SMARCA2: variants seen among roughly 807,000 people sequenced by gnomAD.
SMARCA2 encodes the protein SWI/SNF related BAF chromatin remodeling complex subunit ATPase 2, also known as SWI/SNF-related matrix-associated actin-dependent regulator of chromatin subfamily A member 2.
In SMARCA2, 61 loss-of-function variants were observed where a neutral mutation model predicts 199.8. That is an observed-to-expected ratio of 0.31 (90% CI 0.25 to 0.38). SMARCA2 has a LOEUF of 0.38. Ranked by LOEUF, SMARCA2 falls within the 10% of genes least tolerant of loss-of-function variation. The pLI, the probability that SMARCA2 is intolerant of heterozygous loss-of-function variation, is 1.00. For synonymous variants in SMARCA2, 935 were observed against 732.0 expected (o/e 1.28, Z -4.48); for missense variants, 1,344 against 2,012.2 (o/e 0.67, Z 6.35).
At chr9:2,185,756 C>T (rs1827394735) in intron 31 of SMARCA2, among the ~76,000 whole-genome samples, 1 of 152,176 alleles carries the variant, frequency 6.6e-6, no homozygotes, top group Non-Finnish European at 1.5e-5. Flanking sequence ...TGCTTTACCA[C>T]AGTCTTACTA....
intron 27 of SMARCA2, among the ~76,000 whole-genome samples, chr9:2,142,289 G>A (rs759386486): frequency 3.9e-5 from 6 of 152,298 alleles, no homozygotes; most frequent in South Asian, 2.1e-4. Flanking sequence ...ATCAGACAAC[G>A]TCAAGCAAAG....
At position 2,081,933 on chromosome 9, in the gene SMARCA2, C is replaced by T. The variant is rs1427379443; in HGVS notation, c.2286C>T (p.Leu762=). The change falls in exon 15 of 34, where the codon CTC becomes CTT. Residue 762 remains leucine, a synonymous_variant. Transcript: ENST00000349721. ...GAAAGACCATACAGACCATTGCACT[C>T]ATCACTTATCTGATGGAGCACAAAA... The part of the protein sequence containing the change: ...GLGKTIQTIA[L]ITYLMEHKRL... 5 of 1,613,744 alleles carry T rather than the reference C, an allele frequency of 3.1e-6. No individual in the cohort carries two copies. The highest frequency in any genetic ancestry group is 1.6e-4 in the Middle Eastern group (1 of 6,062).
intron 27 of SMARCA2, among the ~76,000 whole-genome samples, chr9:2,140,053 G>A (rs529062906): frequency 1.2e-4 from 19 of 152,274 alleles, no homozygotes; most frequent in South Asian, 2.1e-4. Context: ...TCTTACTGTC[G>A]TAATTTGCAA....
chr9:2,115,812 C>T lies in SMARCA2; in HGVS notation c.3457-10C>T, dbSNP rs775480199. The T allele has an allele frequency of 9.9e-6, 16 of 1,612,340 alleles. No individual in the cohort carries two copies. In the African/African-American group the frequency reaches 2.0e-4, roughly 20 times the overall value. ...TCTCAGTCCTCATAGCATATTGACC[C>T]CCCAAACAGGATCTGCAGGCCCAAG... On this transcript the variant is annotated splice_polypyrimidine_tract_variant and intron_variant, in intron 24 of 33. Coordinates refer to ENST00000349721, the MANE Select transcript of SMARCA2 (RefSeq NM_003070.5). This position sits in a 1 kb window ranked among gnomAD's most constrained non-coding sequence, Gnocchi z 6.0.
Position 2,115,671 on chromosome 9 carries a change from G to A in SMARCA2, c.3457-151G>A. The A allele has an allele frequency of 6.2e-6, 4 of 642,726 alleles. No individual in the cohort carries two copies. Among genetic ancestry groups the A allele is most frequent in the Non-Finnish European group, 8.2e-6 (3 of 367,690 alleles). 39.8% of individuals were successfully genotyped at this position (642,726 alleles called of 1,614,324 possible). A position where few individuals can be genotyped will look rare whatever the true frequency, so the allele number is the denominator to read the frequency against. On this transcript the variant is annotated intron_variant, in intron 24 of 33. Transcript: ENST00000349721. The surrounding 1 kb of genome is among the most constrained non-coding windows in gnomAD (Gnocchi z 6.0). ...GGAATGACACTGAATTTTTCCAAAC[G>A]TAGCTTGTGTGTTTTTAAAATGTAG...
At position 2,016,430 on chromosome 9, in the gene SMARCA2, T is replaced by A. The variant is rs1818356076; in HGVS notation, c.-37+1026T>A. 6.6e-6 allele frequency: 1 copy of A among 152,242 alleles called. No homozygotes were observed. The highest frequency in any genetic ancestry group is 1.5e-5 in the Non-Finnish European group (1 of 68,170). The allele number at this position is 152,242 out of a possible 1,614,324, so 9.4% of individuals were successfully genotyped here. ...CCTGCCCTCCCTCTCCCCGGGTCCG[T>A]GTTCTTTTGCTTCGCGTCTTCCCCT... On this transcript the variant is annotated intron_variant, in intron 1 of 33. Coordinates refer to ENST00000349721, the MANE Select transcript of SMARCA2 (RefSeq NM_003070.5). This position sits in a 1 kb window ranked among gnomAD's most constrained non-coding sequence, Gnocchi z 5.6.
At chr9:2,111,491 CAAAAAAAAA>C (rs148112929) in intron 24 of SMARCA2, among the ~76,000 whole-genome samples, 3 of 86,980 alleles carry the variant, frequency 3.4e-5, no homozygotes, top group Non-Finnish European at 7.7e-5. Flanking sequence ...GACCGTGTCT[CAAAAAAAAA>C]AAAAAAAAAA....
chr9:2,185,145 G>T (rs761253553), intron 31 of SMARCA2, among the ~76,000 whole-genome samples: 1 of 151,932 alleles, frequency 6.6e-6, no homozygotes, highest in Admixed American at 6.6e-5. Context: ...TTAATCTTGC[G>T]ACTCTGAAAC....
At chr9:2,153,362 C>T (rs1028786681) in intron 27 of SMARCA2, among the ~76,000 whole-genome samples, 1 of 152,068 alleles carries the variant, frequency 6.6e-6, no homozygotes, top group South Asian at 2.1e-4. Flanking sequence ...CATAGCCTGA[C>T]CCTGTGTCTA....
chr9:2,161,296 G>T lies in SMARCA2; in HGVS notation c.3982-390G>T, dbSNP rs188569502. The stretch of plus-strand genomic sequence containing the variant: ...ATTGTTTTTTCATAACCCACCCCTC[G>T]TTTTGTTTACCTTTTCCTTCCCTTA... On this transcript the variant is annotated intron_variant, in intron 27 of 33. Coordinates refer to ENST00000349721, the MANE Select transcript of SMARCA2 (RefSeq NM_003070.5). The surrounding 1 kb of genome is among the most constrained non-coding windows in gnomAD (Gnocchi z 4.7). Among the ~76,000 whole-genome samples, 2 of 152,090 alleles carry T rather than the reference G, an allele frequency of 1.3e-5. No homozygotes were observed. Among genetic ancestry groups the T allele is most frequent in the Non-Finnish European group, 2.9e-5 (2 of 68,006 alleles).
chr9:2,185,781 A>T (rs1450984447), intron 31 of SMARCA2, among the ~76,000 whole-genome samples: 1 of 152,226 alleles, frequency 6.6e-6, no homozygotes, highest in Non-Finnish European at 1.5e-5. Context: ...ATTTGGTAGA[A>T]CAATTCAAAT....
intron 20 of SMARCA2, 164 bp from the exon 21 acceptor site, chr9:2,097,221 C>T: frequency 1.8e-6 from 1 of 550,818 alleles, no homozygotes; most frequent in Non-Finnish European, 3.2e-6. Context: ...ATGTCTAACT[C>T]AGGAACTGCT....
At chr9:2,028,104 G>A (rs564479223) in intron 1 of SMARCA2, among the ~76,000 whole-genome samples, 2 of 150,646 alleles carry the variant, frequency 1.3e-5, no homozygotes, top group Non-Finnish European at 2.9e-5. Context: ...CTCATCTGTG[G>A]TGAGCTCTGA....
intron 29 of SMARCA2, among the ~76,000 whole-genome samples, chr9:2,174,775 G>T (rs7023119): frequency 6.6e-6 from 1 of 151,618 alleles, no homozygotes; most frequent in African/African-American, 2.4e-5. Context: ...CAAAAATGAG[G>T]TGGGTGTGGT....
intron 27 of SMARCA2, among the ~76,000 whole-genome samples, chr9:2,148,891 G>T (rs940479789): frequency 6.6e-6 from 1 of 151,436 alleles, no homozygotes; most frequent in African/African-American, 2.4e-5. Flanking sequence ...TGCTTCAGTT[G>T]ACCTGGTCTC....
intron 3 of SMARCA2, among the ~76,000 whole-genome samples, chr9:2,036,025 C>A (rs1819315223): frequency 6.6e-6 from 1 of 152,180 alleles, no homozygotes; most frequent in Admixed American, 6.5e-5. Flanking sequence ...AACTACCTAG[C>A]AACCTATTAG....
intron 9 of SMARCA2, among the ~76,000 whole-genome samples, chr9:2,067,194 T>C (rs1424145004): frequency 1.3e-5 from 2 of 152,266 alleles, no homozygotes; most frequent in African/African-American, 4.8e-5. Flanking sequence ...TGCGTGCTTT[T>C]AACTATTTTA....
rs929238034 is a variant in SMARCA2 at position 2,056,604 on chromosome 9, G to A, written c.1174-68G>A. ...ACTCTATTCCATTAAATGCAACCGC[G>A]AGAAGGCCAGAGTTCAGGAACCTAG... On this transcript the variant is annotated intron_variant, in intron 6 of 33. Coordinates refer to ENST00000349721, the MANE Select transcript of SMARCA2 (RefSeq NM_003070.5). The surrounding 1 kb of genome is among the most constrained non-coding windows in gnomAD (Gnocchi z 4.0). 12 of 1,447,558 alleles carry A rather than the reference G, an allele frequency of 8.3e-6. No individual in the cohort carries two copies. In the Admixed American group the frequency reaches 1.8e-4, roughly 22 times the overall value. The allele number at this position is 1,447,558 out of a possible 1,614,324, so 89.7% of individuals were successfully genotyped here.
intron 9 of SMARCA2, among the ~76,000 whole-genome samples, chr9:2,065,785 G>T (rs977327426): frequency 6.6e-6 from 1 of 152,076 alleles, no homozygotes; most frequent in Non-Finnish European, 1.5e-5. Flanking sequence ...ATGAAAGAAA[G>T]GTTCTAATGT....
Sources: allele counts gnomAD v4.1 joint callset (sites outside exome capture counted in the v4.1 genomes callset), GRCh38; gene constraint gnomAD v4.1.1; non-coding constraint Gnocchi (gnomAD v3.1); transcripts MANE v1.5; gene names NCBI Gene and HGNC (gene_info 2026-07-23, HGNC 2026-07-21).